The following GALNT11 variants were observed in gnomAD, a reference collection of about 807,000 sequenced individuals.
GALNT11 encodes UDP-GalNAc:polypeptide N-acetylgalactosaminyltransferase 11.
GALNT11 carries 47 observed loss-of-function variants against 72.7 expected under a neutral mutation model. That is an observed-to-expected ratio of 0.65 (90% CI 0.51 to 0.82). The LOEUF (loss-of-function observed/expected upper bound fraction) is 0.82, where lower values mean the gene tolerates loss of function less well. GALNT11 is among the 40% of genes least tolerant of loss of function. GALNT11 has a pLI of 0.00. For synonymous variants in GALNT11, 270 were observed against 286.6 expected (o/e 0.94, Z 0.58); for missense variants, 677 against 778.4 (o/e 0.87, Z 1.55).
At chr7:152,086,935 A>G (rs1420937374) in intron 1 of GALNT11, among the ~76,000 whole-genome samples, 1 of 152,196 alleles carries the variant, frequency 6.6e-6, no homozygotes, top group African/African-American at 2.4e-5. Flanking sequence ...CATGACCTCT[A>G]TGCATAGTAT....
At chr7:152,069,621 TAC>T (rs1438008854) in intron 1 of GALNT11, among the ~76,000 whole-genome samples, 2 of 152,250 alleles carry the variant, frequency 1.3e-5, no homozygotes, top group African/African-American at 2.4e-5. Context: ...TCAAGACTGT[TAC>T]GTCTTCTTGG....
chr7:152,041,657 G>A (rs1178124110), intron 1 of GALNT11, among the ~76,000 whole-genome samples: 1 of 152,220 alleles, frequency 6.6e-6, no homozygotes, highest in African/African-American at 2.4e-5. Flanking sequence ...TCAATCAGCT[G>A]TAACTCTGCC....
At chr7:152,041,085 G>A (rs2082837410) in intron 1 of GALNT11, among the ~76,000 whole-genome samples, 1 of 152,192 alleles carries the variant, frequency 6.6e-6, no homozygotes, top group Non-Finnish European at 1.5e-5. Flanking sequence ...CTGCAACTGG[G>A]AATCCTTGGG....
At chr7:152,037,427 G>C (rs2082633716) in intron 1 of GALNT11, among the ~76,000 whole-genome samples, 1 of 152,136 alleles carries the variant, frequency 6.6e-6, no homozygotes. Flanking sequence ...CTGTGTGTCT[G>C]TTTTTATGCT....
chr7:152,030,054 T>TCCAG (rs2082231603), intron 1 of GALNT11, among the ~76,000 whole-genome samples: 1 of 152,142 alleles, frequency 6.6e-6, no homozygotes, highest in African/African-American at 2.4e-5. Flanking sequence ...GGGTGTAGGG[T>TCCAG]CCAGCCCCAC....
chr7:152,069,192 C>T (rs1422033936), intron 1 of GALNT11, among the ~76,000 whole-genome samples: 1 of 152,140 alleles, frequency 6.6e-6, no homozygotes, highest in Non-Finnish European at 1.5e-5. Flanking sequence ...TTCTTAGACC[C>T]ATGGGTTATT....
At position 152,110,654 on chromosome 7, in the gene GALNT11, A is replaced by T; in HGVS notation, c.1080+9A>T. 6.5e-7 allele frequency: 1 copy of T among 1,526,804 alleles called. No homozygotes were observed. The highest frequency in any genetic ancestry group is 9.1e-7 in the Non-Finnish European group (1 of 1,104,222). 94.6% of individuals were successfully genotyped at this position (1,526,804 alleles called of 1,614,324 possible). Reference sequence around the variant, plus strand: ...TGGAAATATCATTTCGGGTAATTTAATTTTTGCATGCTCAATTAATAACTG... The same window carrying T: ...TGGAAATATCATTTCGGGTAATTTATTTTTTGCATGCTCAATTAATAACTG... On this transcript the variant is annotated intron_variant, in intron 7 of 11. Transcript: ENST00000430044.
At chr7:152,098,144 A>G (rs1034815141) in intron 2 of GALNT11, among the ~76,000 whole-genome samples, 3 of 152,116 alleles carry the variant, frequency 2.0e-5, no homozygotes, top group Non-Finnish European at 4.4e-5. Context: ...GGAACCTATG[A>G]AAAGGTATAT....
intron 1 of GALNT11, among the ~76,000 whole-genome samples, chr7:152,026,802 G>GTCTA (rs2082037720): frequency 6.6e-6 from 1 of 152,180 alleles, no homozygotes; most frequent in East Asian, 1.9e-4. Flanking sequence ...GCCCGAACTA[G>GTCTA]TCTATACCTG....
intron 2 of GALNT11, among the ~76,000 whole-genome samples, chr7:152,098,752 T>C (rs1162316678): frequency 6.6e-6 from 1 of 152,250 alleles, no homozygotes; most frequent in Non-Finnish European, 1.5e-5. Flanking sequence ...TTTTATGTTT[T>C]GGTCATCACC....
chr7:152,083,164 C>T (rs1003381384), intron 1 of GALNT11, among the ~76,000 whole-genome samples: 1 of 151,892 alleles, frequency 6.6e-6, no homozygotes, highest in Non-Finnish European at 1.5e-5. Flanking sequence ...TTTTAGTATC[C>T]AAAGTTTTTT....
At position 152,089,703 on chromosome 7, in the gene GALNT11, G is replaced by A. The variant is rs145659560; in HGVS notation, c.-38-4487G>A. Among the ~76,000 whole-genome samples, 407 of 152,322 alleles carry A rather than the reference G, an allele frequency of 2.7e-3. 1 individual carries two copies. Among genetic ancestry groups the A allele is most frequent in the African/African-American group, 9.6e-3 (398 of 41,580 alleles). ...ACAAATATTTTGGTTAAGGTACAAGGACATAGAATGTACTATGCACCTGTG... is the reference window on the plus strand; with the variant it reads ...ACAAATATTTTGGTTAAGGTACAAGAACATAGAATGTACTATGCACCTGTG... On this transcript the variant is annotated intron_variant, in intron 1 of 11. Coordinates refer to ENST00000430044, the MANE Select transcript of GALNT11 (RefSeq NM_022087.4).
intron 1 of GALNT11, among the ~76,000 whole-genome samples, chr7:152,076,831 G>C (rs539365825): frequency 3.3e-5 from 5 of 152,378 alleles, no homozygotes; most frequent in Admixed American, 2.0e-4. Flanking sequence ...TGATTTGCCA[G>C]ATTGATTAAG....
chr7:152,066,796 C>G (rs1462354636), intron 1 of GALNT11, among the ~76,000 whole-genome samples: 4 of 152,190 alleles, frequency 2.6e-5, no homozygotes, highest in African/African-American at 9.7e-5. Context: ...AGTAAGTTCC[C>G]TGTTTCACAT....
chr7:152,035,390 G>C (rs2082518185), intron 1 of GALNT11, among the ~76,000 whole-genome samples: 1 of 152,182 alleles, frequency 6.6e-6, no homozygotes, highest in Non-Finnish European at 1.5e-5. Context: ...GCAAGAGAAA[G>C]TTTTTCTGAC....
Position 152,113,288 on chromosome 7 carries a change from A to C in GALNT11, c.1123A>C (p.Arg375=). The change falls in exon 8 of 12, where the codon AGA becomes CGA. Residue 375 remains arginine, a synonymous_variant. Coordinates refer to ENST00000430044, the MANE Select transcript of GALNT11 (RefSeq NM_022087.4). The part of the protein sequence containing the change: ...GGKLFIIPCS[R]VGHIFRKRRP... ...TAAGCTCTTCATCATCCCTTGCTCT[A>C]GAGTAGGACACATTTTCCGAAAAAG... 1 of 1,614,048 alleles carries C rather than the reference A, an allele frequency of 6.2e-7. No individual in the cohort carries two copies. The highest frequency in any genetic ancestry group is 8.5e-7 in the Non-Finnish European group (1 of 1,179,956).
At chr7:152,066,024 G>C (rs980658044) in intron 1 of GALNT11, among the ~76,000 whole-genome samples, 1 of 152,202 alleles carries the variant, frequency 6.6e-6, no homozygotes, top group African/African-American at 2.4e-5. Flanking sequence ...GTTTGGCTAC[G>C]CCCTGCCCCC....
intron 1 of GALNT11, among the ~76,000 whole-genome samples, chr7:152,087,874 C>G (rs957908438): frequency 2.0e-5 from 3 of 152,172 alleles, no homozygotes; most frequent in Non-Finnish European, 4.4e-5. Context: ...ATGTCATTAA[C>G]TTGGAATACA....
At chr7:152,115,986 G>T (rs1258284503) in intron 8 of GALNT11, among the ~76,000 whole-genome samples, 2 of 152,162 alleles carry the variant, frequency 1.3e-5, no homozygotes, top group African/African-American at 4.8e-5. Flanking sequence ...AACCTGGGAG[G>T]TGGAGGTTGT....
Sources: gnomAD v4.1 joint callset for allele counts (sites outside exome capture counted in the v4.1 genomes callset) on GRCh38, gnomAD v4.1.1 for gene constraint, MANE v1.5 for transcripts, NCBI Gene and HGNC (gene_info 2026-07-23, HGNC 2026-07-21) for gene names.